LIMCH1: variants seen among roughly 807,000 people sequenced by gnomAD.
LIMCH1 encodes LIM and calponin homology domains 1.
LIMCH1 carries 113 observed loss-of-function variants against 176.5 expected under a neutral mutation model. That is an observed-to-expected ratio of 0.64 (90% CI 0.55 to 0.75). LIMCH1 has a LOEUF of 0.75. Ranked by LOEUF, LIMCH1 falls within the 30% of genes least tolerant of loss-of-function variation. The pLI, the probability that LIMCH1 is intolerant of heterozygous loss-of-function variation, is 0.00. For synonymous variants in LIMCH1, 619 were observed against 645.9 expected (o/e 0.96, Z 0.63); for missense variants, 1,674 against 1,814.9 (o/e 0.92, Z 1.41).
At chr4:41,512,721 A>G (rs573389652) in intron 2 of LIMCH1, among the ~76,000 whole-genome samples, 3 of 152,314 alleles carry the variant, frequency 2.0e-5, no homozygotes, top group African/African-American at 7.2e-5. Context: ...ACAGAAGGCA[A>G]ATTAGTGGTT....
Position 41,631,364 on chromosome 4 carries a change from A to T in LIMCH1, c.1488A>T (p.Glu496Asp). The change falls in exon 10 of 32, where the codon GAA (glutamate) becomes GAT (aspartate). Residue 496 changes from glutamate to aspartate, a missense_variant. Transcript: ENST00000503057. ...SIGKAGPRED[E>D]EEVICHGSKI... ...GCAAGGCTGGGCCTAGAGAGGATGA[A>T]GAAGAAGTCATCTGTCATGGCAGCA... The T allele has an allele frequency of 6.5e-7, 1 of 1,536,238 alleles. No individual in the cohort carries two copies. The highest frequency in any genetic ancestry group is 1.2e-5 in the South Asian group (1 of 84,062).
In LIMCH1 at chr4:41,632,853, G is replaced by C. The variant is rs770353055; in HGVS notation, c.1706G>C (p.Arg569Thr). ...EWVCSLGECP[R>T]GTEEVTSKQL... ...GTCTGCAGTTTGGGCGAGTGCCCGA[G>C]GGGGACAGAGGAAGGTGAGGAGCAG... is the stretch of plus-strand genomic sequence containing the variant. Residue 569 changes from arginine to threonine, a missense_variant, in exon 11 of 32, where the codon AGG (arginine) becomes ACG (threonine). By Grantham distance (71) the Arg-to-Thr change is moderately conservative. This residue lies in a region of LIMCH1 where 1,015 missense variants were observed against 1,102.5 expected (regional missense o/e 0.92). Transcript: ENST00000503057. The C allele has an allele frequency of 2.6e-6, 4 of 1,536,038 alleles. No homozygotes were observed. Among genetic ancestry groups the C allele is most frequent in the African/African-American group, 1.4e-5 (1 of 73,038 alleles).
chr4:41,515,965 AAATACT>A (rs1222419757), intron 2 of LIMCH1, among the ~76,000 whole-genome samples: 3 of 152,216 alleles, frequency 2.0e-5, no homozygotes, highest in African/African-American at 7.2e-5. Context: ...TGCGCAAAGG[AAATACT>A]AATTACAATC....
intron 1 of LIMCH1, among the ~76,000 whole-genome samples, chr4:41,449,772 C>T (rs934957720): frequency 5.3e-5 from 8 of 152,186 alleles, no homozygotes; most frequent in African/African-American, 1.4e-4. Context: ...GCTGCTGTAA[C>T]AAACTACCAC....
chr4:41,386,999 G>C (rs1309307341), intron 1 of LIMCH1, among the ~76,000 whole-genome samples: 14 of 152,146 alleles, frequency 9.2e-5, no homozygotes, highest in Non-Finnish European at 7.3e-5. Context: ...GGTTATCTGG[G>C]CTCTTCTTTT....
At chr4:41,502,672 T>G (rs2073514223) in intron 2 of LIMCH1, among the ~76,000 whole-genome samples, 1 of 152,236 alleles carries the variant, frequency 6.6e-6, no homozygotes, top group South Asian at 2.1e-4. Context: ...GTTGAGCTTT[T>G]TTTCATACTG....
Position 41,629,694 on chromosome 4 carries a change from T to A in LIMCH1, c.1231T>A (p.Leu411Met). 6.5e-7 allele frequency: 1 copy of A among 1,536,062 alleles called. No individual in the cohort carries two copies. The highest frequency in any genetic ancestry group is 8.7e-7 in the Non-Finnish European group (1 of 1,146,880). Residue 411 changes from leucine to methionine, a missense_variant, in exon 9 of 32, where the codon TTG becomes ATG. Leu to Met is a conservative substitution (Grantham distance 15). This residue lies in a region of LIMCH1 where 655 missense variants were observed against 692.2 expected (regional missense o/e 0.95). Coordinates refer to ENST00000503057, the MANE Select transcript of LIMCH1 (RefSeq NM_001330672.2). ...GCTCTCCAACATAACAGAAGCTGACTTGGAGACGTGGGAGAGACTCAAAGT... is the reference window on the plus strand; with the variant it reads ...GCTCTCCAACATAACAGAAGCTGACATGGAGACGTGGGAGAGACTCAAAGT... Reference protein sequence around the residue: ...ITLSNITEADLETWERLKVSE... With the variant: ...ITLSNITEADMETWERLKVSE...
At chr4:41,371,646 C>T (rs76528294) in intron 1 of LIMCH1, among the ~76,000 whole-genome samples, 45 of 152,034 alleles carry the variant, frequency 3.0e-4, no homozygotes, top group Admixed American at 7.9e-4. Context: ...CTGCTGCCCC[C>T]GTCCCAGTTT....
At chr4:41,369,865 C>T (rs955858198) in intron 1 of LIMCH1, among the ~76,000 whole-genome samples, 1 of 150,234 alleles carries the variant, frequency 6.7e-6, no homozygotes, top group Non-Finnish European at 1.5e-5. Flanking sequence ...TGCCCAGCTA[C>T]GGTTGCCTGA....
chr4:41,360,627 A>C, upstream of LIMCH1: 1 of 284,020 alleles, frequency 3.5e-6, no homozygotes, highest in Non-Finnish European at 6.5e-6. This position sits in a 1 kb window ranked among gnomAD's most constrained non-coding sequence, Gnocchi z 4.5. Flanking sequence ...CCCGCGGGTC[A>C]CTCACGGCGC....
intron 1 of LIMCH1, among the ~76,000 whole-genome samples, chr4:41,364,948 A>G (rs535290510): frequency 6.6e-6 from 1 of 151,874 alleles, no homozygotes; most frequent in African/African-American, 2.4e-5. Context: ...AGTAGGTTAG[A>G]TGACTCTGAT....
At chr4:41,416,712 T>G (rs1222553094) in intron 1 of LIMCH1, among the ~76,000 whole-genome samples, 1 of 151,818 alleles carries the variant, frequency 6.6e-6, no homozygotes, top group Non-Finnish European at 1.5e-5. Flanking sequence ...GTTAAATCAC[T>G]GATGCTACAC....
At chr4:41,368,759 A>G (rs2053503254) in intron 1 of LIMCH1, among the ~76,000 whole-genome samples, 1 of 152,156 alleles carries the variant, frequency 6.6e-6, no homozygotes, top group Admixed American at 6.5e-5. Context: ...GAAGTTCTTG[A>G]ATATTCCTTG....
chr4:41,401,986 A>G (rs530804099), intron 1 of LIMCH1, among the ~76,000 whole-genome samples: 131 of 152,322 alleles, frequency 8.6e-4, no homozygotes, highest in African/African-American at 3.0e-3. Context: ...AAACAGGGAC[A>G]ATTTGACTTC....
At chr4:41,494,104 G>A (rs2071583534) in intron 1 of LIMCH1, among the ~76,000 whole-genome samples, 1 of 151,936 alleles carries the variant, frequency 6.6e-6, no homozygotes, top group Non-Finnish European at 1.5e-5. Context: ...CCAAAAGTAA[G>A]AAATTCTTGT....
At chr4:41,612,831 G>C in intron 4 of LIMCH1, 5 of 1,240,126 alleles carry the variant, frequency 4.0e-6, no homozygotes, top group Non-Finnish European at 5.4e-6. Flanking sequence ...AAAGCGTTTT[G>C]CATATTTTTC....
At chr4:41,586,134 G>A (rs1322347906) in intron 1 of LIMCH1, among the ~76,000 whole-genome samples, 6 of 125,576 alleles carry the variant, frequency 4.8e-5, no homozygotes, top group African/African-American at 1.8e-4. Context: ...TTTGAAACAG[G>A]GTCTCACTCT....
chr4:41,631,114 G>T, intron 9 of LIMCH1, 34 bp from the exon 10 acceptor site: 1 of 1,418,328 alleles, frequency 7.1e-7, no homozygotes, highest in South Asian at 1.4e-5. Context: ...TTTGTACTCA[G>T]ACACTTTTAG....
chr4:41,548,776 GA>G (rs2079962916), intron 1 of LIMCH1, among the ~76,000 whole-genome samples: 1 of 152,030 alleles, frequency 6.6e-6, no homozygotes, highest in African/African-American at 2.4e-5. Flanking sequence ...GAAGAGTCGT[GA>G]AAAACTGGTT....
Sources: gnomAD v4.1 joint callset for allele counts (sites outside exome capture counted in the v4.1 genomes callset) on GRCh38, gnomAD v4.1.1 for gene constraint, gnomAD v4.1.1 regional missense constraint, Gnocchi (gnomAD v3.1) non-coding constraint, MANE v1.5 for transcripts, NCBI Gene and HGNC (gene_info 2026-07-23, HGNC 2026-07-21) for gene names.